The following COL15A1 variants were observed in gnomAD, a reference collection of about 807,000 sequenced individuals.
The protein encoded by COL15A1 is collagen type XV alpha 1 chain, also known as collagen alpha-1(XV) chain.
Under a neutral mutation model 165.9 loss-of-function variants are expected in COL15A1, and 111 were observed. The ratio of observed to expected loss-of-function variants is 0.67; its 90% CI spans 0.57 to 0.78. The LOEUF (loss-of-function observed/expected upper bound fraction) is 0.78, where lower values mean the gene tolerates loss of function less well. COL15A1 is among the 30% of genes least tolerant of loss of function. COL15A1 has a pLI of 0.00. For synonymous variants in COL15A1, 659 were observed against 674.8 expected, an observed-to-expected ratio of 0.98 and a Z score of 0.36; for missense variants, 1,745 against 1,789.7, an observed-to-expected ratio of 0.98 and a Z score of 0.45.
At chr9:99,021,031 C>G (rs1452936739) in intron 12 of COL15A1, among the ~76,000 whole-genome samples, 1 of 152,224 alleles carries the variant, frequency 6.6e-6, no homozygotes, top group Non-Finnish European at 1.5e-5. Context: ...ATTCCTCTTA[C>G]CAAAACACCT....
chr9:99,045,521 C>A (rs1001860674), intron 26 of COL15A1, among the ~76,000 whole-genome samples: 1 of 152,240 alleles, frequency 6.6e-6, no homozygotes, highest in Middle Eastern at 3.2e-3. Context: ...CCATTTCTCT[C>A]AAGGGCGAAC....
chr9:99,025,496 G>T (rs894374230), intron 15 of COL15A1, among the ~76,000 whole-genome samples: 1 of 152,192 alleles, frequency 6.6e-6, no homozygotes, highest in Non-Finnish European at 1.5e-5. Flanking sequence ...AATGCATTTT[G>T]GACTTAAGAT....
chr9:99,069,944 C>A lies in COL15A1; in HGVS notation c.*58C>A. The A allele has an allele frequency of 1.5e-6, 2 of 1,345,990 alleles. No individual in the cohort carries two copies. Among genetic ancestry groups the A allele is most frequent in the Non-Finnish European group, 2.1e-6 (2 of 969,276 alleles). The allele number at this position is 1,345,990 out of a possible 1,614,324, so 83.4% of individuals were successfully genotyped here. ...TTTTTTCTTATGTGAAGAGTTGACACTGAAATCTAAAATGTTTAATTGTTG... is the reference window on the plus strand; with the variant it reads ...TTTTTTCTTATGTGAAGAGTTGACAATGAAATCTAAAATGTTTAATTGTTG... On this transcript the variant is annotated 3_prime_UTR_variant, in exon 42 of 42. Coordinates refer to ENST00000375001, the MANE Select transcript of COL15A1 (RefSeq NM_001855.5).
chr9:98,948,502 G>T (rs1348629648), intron 2 of COL15A1, among the ~76,000 whole-genome samples: 2 of 151,458 alleles, frequency 1.3e-5, no homozygotes, highest in African/African-American at 4.9e-5. Flanking sequence ...GGAGGCTGAG[G>T]CAGGAGAATA....
chr9:99,043,498 G>A (rs1029959416), intron 24 of COL15A1, among the ~76,000 whole-genome samples: 1 of 152,146 alleles, frequency 6.6e-6, no homozygotes, highest in South Asian at 2.1e-4. Context: ...CCAGGCAGCC[G>A]GGCAGTTCTG....
At chr9:99,018,392 CT>C in intron 11 of COL15A1, among the ~76,000 whole-genome samples, 2 of 152,200 alleles carry the variant, frequency 1.3e-5, no homozygotes, top group Non-Finnish European at 2.9e-5. Flanking sequence ...GTAAGGCTGG[CT>C]GTGCTCATGG....
At position 99,068,621 on chromosome 9, in the gene COL15A1, A is replaced by G. The variant is rs1825934953; in HGVS notation, c.3904A>G (p.Ile1302Val). 1.9e-6 allele frequency: 3 copies of G among 1,557,338 alleles called. No homozygotes were observed. Among genetic ancestry groups the G allele is most frequent in the Non-Finnish European group, 2.6e-6 (3 of 1,161,422 alleles). ...CCACGGAGGTCAGTTCAATATGCAT[A>G]TTCCAATATACTCCTTTGATGGTCG... ...SGHGGQFNMH[I>V]PIYSFDGRDI... The change falls in exon 41 of 42, where the codon ATT becomes GTT. Residue 1302 changes from isoleucine (I) to valine (V), a missense_variant. Physicochemically the swap from Ile to Val is conservative, Grantham distance 29. Coordinates refer to ENST00000375001, the MANE Select transcript of COL15A1 (RefSeq NM_001855.5).
At chr9:99,056,677 T>C (rs1380292113) in intron 35 of COL15A1, among the ~76,000 whole-genome samples, 2 of 152,140 alleles carry the variant, frequency 1.3e-5, no homozygotes, top group Non-Finnish European at 2.9e-5. Flanking sequence ...CAAAAAGAAA[T>C]TTCATACCAA....
At position 99,038,658 on chromosome 9, in the gene COL15A1, C is replaced by T; in HGVS notation, c.2410-10C>T. ...CCTTTGTCCTCATTGTCTGATTTTT[C>T]TCTTTTCAGTCCTTGATCAATATCA... is the stretch of plus-strand genomic sequence containing the variant. On this transcript the variant is annotated splice_polypyrimidine_tract_variant and intron_variant, in intron 21 of 41. Coordinates refer to ENST00000375001, the MANE Select transcript of COL15A1 (RefSeq NM_001855.5). 6.4e-7 allele frequency: 1 copy of T among 1,571,764 alleles called. No individual in the cohort carries two copies.
chr9:99,018,430 A>T (rs1459840323), intron 11 of COL15A1, among the ~76,000 whole-genome samples: 7 of 152,174 alleles, frequency 4.6e-5, no homozygotes. Flanking sequence ...GCTCCTGGGA[A>T]GCTCTTTGTC....
chr9:98,974,290 G>A (rs761986709), intron 2 of COL15A1, among the ~76,000 whole-genome samples: 11 of 152,210 alleles, frequency 7.2e-5, no homozygotes, highest in Non-Finnish European at 1.5e-4. Context: ...CAGGTGGTGA[G>A]CTGCACTGTC....
At chr9:98,989,075 G>A in intron 4 of COL15A1, 103 bp from the exon 5 acceptor site, 1 of 751,962 alleles carries the variant, frequency 1.3e-6, no homozygotes, top group Non-Finnish European at 2.3e-6. Flanking sequence ...CGGTTTCCCT[G>A]TAGGAGAGTC....
At chr9:99,025,109 G>C (rs1176249697) in intron 15 of COL15A1, 110 bp downstream of exon 15, 2 of 818,576 alleles carry the variant, frequency 2.4e-6, no homozygotes. Flanking sequence ...GCGATGGGGA[G>C]AGAGCAGCTA....
chr9:99,060,429 A>ATT (rs36003230), intron 36 of COL15A1, among the ~76,000 whole-genome samples: 6 of 129,602 alleles, frequency 4.6e-5, no homozygotes, highest in African/African-American at 1.2e-4. Flanking sequence ...CACCTGGCTA[A>ATT]TTTTTTTTTT....
chr9:98,980,321 C>T (rs183216260), intron 2 of COL15A1, among the ~76,000 whole-genome samples: 100 of 152,302 alleles, frequency 6.6e-4, no homozygotes, highest in African/African-American at 2.1e-3. Flanking sequence ...TGGAGGACCC[C>T]GTGTGTACAG....
At position 99,023,351 on chromosome 9, in the gene COL15A1, T is replaced by C. The variant is rs7851787; in HGVS notation, c.1762-6T>C. The C allele has an allele frequency of 0.14, 228,003 of 1,593,804 alleles. 17,773 individuals are homozygous for C. The highest frequency in any genetic ancestry group is 0.34 in the East Asian group (15,026 of 44,546). On this transcript the variant is annotated splice_region_variant and splice_polypyrimidine_tract_variant and intron_variant, in intron 13 of 41. Coordinates refer to ENST00000375001, the MANE Select transcript of COL15A1 (RefSeq NM_001855.5). ...TGCAAGTAGTGGAAATTTCTTCTCTTTCCAGGCAGGAGCAGAAGCAGAGGG... is the reference window on the plus strand; with the variant it reads ...TGCAAGTAGTGGAAATTTCTTCTCTCTCCAGGCAGGAGCAGAAGCAGAGGG...
intron 9 of COL15A1, among the ~76,000 whole-genome samples, chr9:99,014,945 G>C (rs776871404): frequency 2.0e-5 from 3 of 152,138 alleles, no homozygotes; most frequent in Non-Finnish European, 4.4e-5. Flanking sequence ...ATTTATCTCC[G>C]TGAGCAGAGG....
intron 35 of COL15A1, among the ~76,000 whole-genome samples, chr9:99,057,981 T>G (rs1252193140): frequency 6.6e-6 from 1 of 151,578 alleles, no homozygotes; most frequent in African/African-American, 2.4e-5. Flanking sequence ...AAGGAGGGAG[T>G]GAACAGTCAA....
chr9:98,996,030 A>G (rs1293666136), intron 5 of COL15A1, among the ~76,000 whole-genome samples: 1 of 152,258 alleles, frequency 6.6e-6, no homozygotes, highest in Non-Finnish European at 1.5e-5. Flanking sequence ...GGGGCTTCCA[A>G]GAATCCTCCT....
Sources: gnomAD v4.1 joint callset for allele counts (sites outside exome capture counted in the v4.1 genomes callset) on GRCh38, gnomAD v4.1.1 for gene constraint, MANE v1.5 for transcripts, NCBI Gene and HGNC (gene_info 2026-07-23, HGNC 2026-07-21) for gene names.